THSD7A: variants seen among roughly 807,000 people sequenced by gnomAD.
THSD7A encodes thrombospondin type 1 domain containing 7A.
THSD7A carries 96 observed loss-of-function variants against 231.3 expected under a neutral mutation model. The ratio of observed to expected loss-of-function variants is 0.41; its 90% CI spans 0.35 to 0.49. The LOEUF (loss-of-function observed/expected upper bound fraction) is 0.49, where lower values mean the gene tolerates loss of function less well. THSD7A is among the 20% of genes least tolerant of loss of function. The pLI is 0.05. For missense variants in THSD7A, 2,290 were observed against 2,070.2 expected (o/e 1.11, Z -2.06); for synonymous variants, 940 against 743.3 (o/e 1.26, Z -4.30).
intron 1 of THSD7A, among the ~76,000 whole-genome samples, chr7:11,725,590 T>C (rs1028362399): frequency 6.6e-6 from 1 of 152,046 alleles, no homozygotes; most frequent in Non-Finnish European, 1.5e-5. Flanking sequence ...ACTTTTATGA[T>C]GGATCTTTAT....
chr7:11,754,800 T>C (rs1290469049), intron 1 of THSD7A, among the ~76,000 whole-genome samples: 1 of 152,098 alleles, frequency 6.6e-6, no homozygotes, highest in Non-Finnish European at 1.5e-5. Context: ...ATGTATTATA[T>C]AGTTTATGTT....
intron 4 of THSD7A, among the ~76,000 whole-genome samples, chr7:11,552,260 T>A (rs1017115261): frequency 1.3e-5 from 2 of 151,888 alleles, no homozygotes; most frequent in African/African-American, 4.8e-5. Context: ...CTAACCCCCA[T>A]GACTCCCCAT....
intron 1 of THSD7A, among the ~76,000 whole-genome samples, chr7:11,767,793 A>G (rs1783076515): frequency 1.3e-5 from 2 of 152,160 alleles, no homozygotes; most frequent in South Asian, 4.1e-4. Flanking sequence ...ATCTGAGTGC[A>G]GTTTTGTTGT....
intron 6 of THSD7A, among the ~76,000 whole-genome samples, chr7:11,517,222 G>C (rs773528834): frequency 1.3e-4 from 20 of 151,988 alleles, no homozygotes; most frequent in Non-Finnish European, 2.9e-4. Context: ...GGGATTACAG[G>C]TGCCCACCAC....
intron 2 of THSD7A, among the ~76,000 whole-genome samples, chr7:11,629,429 G>A (rs191402590): frequency 2.5e-3 from 385 of 152,248 alleles, no homozygotes; most frequent in Non-Finnish European, 4.7e-3. Context: ...TGAGTATCTG[G>A]CGGGCAACTC....
intron 1 of THSD7A, among the ~76,000 whole-genome samples, chr7:11,638,074 C>T (rs1377350536): frequency 1.3e-5 from 2 of 152,110 alleles, no homozygotes; most frequent in Non-Finnish European, 2.9e-5. Flanking sequence ...GCCCCTCACA[C>T]CCTTACACTA....
At chr7:11,625,088 A>T (rs1345917002) in intron 2 of THSD7A, among the ~76,000 whole-genome samples, 1 of 152,046 alleles carries the variant, frequency 6.6e-6, no homozygotes, top group Admixed American at 6.6e-5. Flanking sequence ...ATTATTCCAG[A>T]GTTAGGATGT....
In THSD7A at chr7:11,636,751, G is replaced by T; in HGVS notation, c.401C>A (p.Pro134His). ...TTTCTCTAGGCTTTTTGAAATCACG[G>T]GCTGACACTGATTCCAAGGTCCCAG... Reference protein sequence around the residue: ...WRLGPWNQCQPVISKSLEKPL... With the variant: ...WRLGPWNQCQHVISKSLEKPL... Residue 134 changes from proline to histidine, a missense_variant, in exon 2 of 28, where the codon CCC becomes CAC. Physicochemically the swap from Pro to His is moderately conservative, Grantham distance 77. Coordinates refer to ENST00000423059, the MANE Select transcript of THSD7A (RefSeq NM_015204.3). This position sits in a 1 kb window ranked among gnomAD's most constrained non-coding sequence, Gnocchi z 10.0. 6.2e-7 allele frequency: 1 copy of T among 1,613,898 alleles called. No homozygotes were observed. The highest frequency in any genetic ancestry group is 1.1e-5 in the South Asian group (1 of 91,082).
At chr7:11,746,837 G>C (rs778523410) in intron 1 of THSD7A, among the ~76,000 whole-genome samples, 1 of 151,784 alleles carries the variant, frequency 6.6e-6, no homozygotes, top group African/African-American at 2.4e-5. Context: ...GTACCTCCTG[G>C]AGGGGGAGGA....
chr7:11,483,671 T>C (rs1250331912), intron 6 of THSD7A, among the ~76,000 whole-genome samples: 1 of 152,182 alleles, frequency 6.6e-6, no homozygotes, highest in East Asian at 1.9e-4. Context: ...TTTTTCTTAG[T>C]GCAAGGGGTG....
chr7:11,603,699 TA>T (rs1274046694), intron 2 of THSD7A, among the ~76,000 whole-genome samples: 1 of 150,990 alleles, frequency 6.6e-6, no homozygotes, highest in Non-Finnish European at 1.5e-5. Flanking sequence ...TATGCAGCCA[TA>T]AAAAAGGATG....
In THSD7A at chr7:11,438,903, G is replaced by C. The variant is rs138029080; in HGVS notation, c.3064+7158C>G. Among the ~76,000 whole-genome samples, 481 of 152,000 alleles carry C rather than the reference G, an allele frequency of 3.2e-3. 2 individuals carry two copies. Among genetic ancestry groups the C allele is most frequent in the African/African-American group, 0.011 (460 of 41,518 alleles). On this transcript the variant is annotated intron_variant, in intron 13 of 27. Coordinates refer to ENST00000423059, the MANE Select transcript of THSD7A (RefSeq NM_015204.3). ...TTATTTCTCTAGATGAACTGAAAAA[G>C]ACTTTTTTCTTCCTCAATACTTTGA...
At chr7:11,433,232 TG>T (rs1784533684) in intron 13 of THSD7A, among the ~76,000 whole-genome samples, 2 of 152,070 alleles carry the variant, frequency 1.3e-5, no homozygotes, top group Non-Finnish European at 2.9e-5. Flanking sequence ...AATTATGCTT[TG>T]GGGTGGAGAA....
At chr7:11,670,313 C>A (rs1053839850) in intron 1 of THSD7A, among the ~76,000 whole-genome samples, 1 of 152,134 alleles carries the variant, frequency 6.6e-6, no homozygotes, top group African/African-American at 2.4e-5. Context: ...GATCCATTAC[C>A]ACAGAGGAAT....
intron 13 of THSD7A, among the ~76,000 whole-genome samples, chr7:11,434,702 G>A (rs1479599286): frequency 2.6e-5 from 4 of 151,932 alleles, no homozygotes; most frequent in African/African-American, 4.8e-5. Context: ...GATTGCAACT[G>A]GGAATGAGAA....
chr7:11,489,228 C>T (rs960968650), intron 6 of THSD7A, among the ~76,000 whole-genome samples: 8 of 152,028 alleles, frequency 5.3e-5, no homozygotes, highest in African/African-American at 1.9e-4. Context: ...ACCTATATTG[C>T]TTTTCTGCAA....
chr7:11,506,644 C>G (rs1787555588), intron 6 of THSD7A, among the ~76,000 whole-genome samples: 1 of 152,186 alleles, frequency 6.6e-6, no homozygotes, highest in African/African-American at 2.4e-5. Context: ...CTACTCTTCT[C>G]ATTCTCCCTT....
At chr7:11,730,297 T>G (rs76770779) in intron 1 of THSD7A, among the ~76,000 whole-genome samples, 1 of 151,736 alleles carries the variant, frequency 6.6e-6, no homozygotes, top group African/African-American at 2.4e-5. Context: ...TCGAGTAATA[T>G]TCTTGTAATT....
chr7:11,713,803 T>C (rs1444641224), intron 1 of THSD7A, among the ~76,000 whole-genome samples: 1 of 151,168 alleles, frequency 6.6e-6, no homozygotes, highest in South Asian at 2.1e-4. Flanking sequence ...GCAATTCCTA[T>C]CAGTGGGTGC....
Sources: gnomAD v4.1 joint callset for allele counts (sites outside exome capture counted in the v4.1 genomes callset) on GRCh38, gnomAD v4.1.1 for gene constraint, Gnocchi (gnomAD v3.1) non-coding constraint, MANE v1.5 for transcripts, NCBI Gene and HGNC (gene_info 2026-07-23, HGNC 2026-07-21) for gene names.